The following PRKN variants were observed in gnomAD, a reference collection of about 807,000 sequenced individuals.
PRKN encodes E3 ubiquitin-protein ligase parkin.
A neutral mutation model predicts 59.5 loss-of-function variants in PRKN; 56 were observed. The observed-to-expected ratio is 0.94, with a 90% CI of 0.76 to 1.18. The LOEUF is 1.18. Among genes scored for constraint, PRKN ranks in the 50% most tolerant of loss-of-function variants. The pLI is 0.00. For missense variants in PRKN, 657 were observed against 596.4 expected, an observed-to-expected ratio of 1.10 and a Z score of -1.06; for synonymous variants, 250 against 222.1, an observed-to-expected ratio of 1.13 and a Z score of -1.12.
chr6:161,387,216 G>A (rs118068201), intron 9 of PRKN, among the ~76,000 whole-genome samples: 10,723 of 152,186 alleles, frequency 0.07, 435 homozygotes, highest in Non-Finnish European at 0.081. Flanking sequence ...ATCCCCATGT[G>A]TCATGGGAAA....
intron 3 of PRKN, among the ~76,000 whole-genome samples, chr6:162,239,667 G>A (rs1212622016): frequency 1.3e-5 from 2 of 151,984 alleles, no homozygotes; most frequent in Non-Finnish European, 2.9e-5. Context: ...CAGCGTAAGA[G>A]CAAAAGCCTC....
intron 1 of PRKN, among the ~76,000 whole-genome samples, chr6:162,699,618 A>G (rs1433567235): frequency 6.6e-6 from 1 of 152,220 alleles, no homozygotes; most frequent in African/African-American, 2.4e-5. Flanking sequence ...AGCTAATTTT[A>G]AGAATAAAAG....
At chr6:162,684,464 T>C (rs1407925097) in intron 1 of PRKN, among the ~76,000 whole-genome samples, 2 of 152,168 alleles carry the variant, frequency 1.3e-5, no homozygotes, top group East Asian at 3.9e-4. Context: ...CAGCAATTAA[T>C]ATCAGTGGAA....
chr6:161,902,220 G>A (rs1279138310), intron 6 of PRKN, among the ~76,000 whole-genome samples: 3 of 152,044 alleles, frequency 2.0e-5, no homozygotes, highest in Non-Finnish European at 4.4e-5. Flanking sequence ...GGCCGGCCCC[G>A]TCCTCGCACC....
intron 7 of PRKN, among the ~76,000 whole-genome samples, chr6:161,585,828 A>T (rs1402189013): frequency 6.6e-6 from 1 of 152,278 alleles, no homozygotes; most frequent in African/African-American, 2.4e-5. Context: ...ACAGCAGAAG[A>T]CAACCCAGCC....
Position 161,459,817 on chromosome 6 carries a change from A to G in PRKN, c.1084-72940T>C, listed in dbSNP as rs1415742260. ...CTTCTTCATAATTTAGAGGCTTTCA[A>G]TGACTTACCCCTAATGGGAGATTTC... On this transcript the variant is annotated intron_variant, in intron 9 of 11. Transcript: ENST00000366898. This position sits in a 1 kb window ranked among gnomAD's most constrained non-coding sequence, Gnocchi z 4.8. Among the ~76,000 whole-genome samples the G allele has an allele frequency of 6.6e-6, 1 of 152,176 alleles. No individual in the cohort carries two copies. Among genetic ancestry groups the G allele is most frequent in the African/African-American group, 2.4e-5 (1 of 41,440 alleles).
rs1249284593 is a variant in PRKN, at chr6:161,549,436, AAAT to A, written c.934-436_934-434del. Among the ~76,000 whole-genome samples the A allele has an allele frequency of 3.9e-5, 6 of 152,166 alleles. No individual in the cohort carries two copies. The highest frequency in any genetic ancestry group is 5.9e-5 in the Non-Finnish European group (4 of 68,022). ...CAATATATTGTCATGCCTCTATTTAAAATTCAACAAGGTTTTATATTTATTTTG... is the reference window on the plus strand; with the variant it reads ...CAATATATTGTCATGCCTCTATTTAATCAACAAGGTTTTATATTTATTTTG... On this transcript the variant is annotated intron_variant, in intron 8 of 11. Transcript: ENST00000366898. This position sits in a 1 kb window ranked among gnomAD's most constrained non-coding sequence, Gnocchi z 6.0.
rs768564351 is a variant in PRKN, at chr6:161,529,919, G to A, written c.1083+18935C>T. Among the ~76,000 whole-genome samples the A allele has an allele frequency of 7.9e-5, 12 of 151,964 alleles. No individual in the cohort carries two copies. Among genetic ancestry groups the A allele is most frequent in the Middle Eastern group, 3.2e-3 (1 of 316 alleles). The stretch of plus-strand genomic sequence containing the variant: ...TTGAGGGACCAGTTCCTTTTCCACG[G>A]CATATATAATAAAATAACACAGGAA... On this transcript the variant is annotated intron_variant, in intron 9 of 11. Coordinates refer to ENST00000366898, the MANE Select transcript of PRKN (RefSeq NM_004562.3). The surrounding 1 kb of genome is among the most constrained non-coding windows in gnomAD (Gnocchi z 4.4).
At chr6:161,418,128 T>C (rs1469504490) in intron 9 of PRKN, among the ~76,000 whole-genome samples, 1 of 152,254 alleles carries the variant, frequency 6.6e-6, no homozygotes, top group Non-Finnish European at 1.5e-5. Context: ...TATTACTGTA[T>C]ATTAATAAAA....
intron 7 of PRKN, among the ~76,000 whole-genome samples, chr6:161,697,232 T>C (rs1042739457): frequency 2.6e-5 from 4 of 152,200 alleles, no homozygotes; most frequent in African/African-American, 9.6e-5. Context: ...TTGAAACTCA[T>C]CCTCTGGTAA....
In PRKN at chr6:161,827,500, T is replaced by C. The variant is rs572624458; in HGVS notation, c.735-41592A>G. Among the ~76,000 whole-genome samples, 15 of 142,858 alleles carry C rather than the reference T, an allele frequency of 1.0e-4. No homozygotes were observed. In the East Asian group the frequency reaches 1.3e-3, roughly 12 times the overall value. The allele number at this position is 142,858 out of a possible 152,430, so 93.7% of individuals were successfully genotyped here. Reference sequence around the variant, plus strand: ...GGGCTCTACCTTGTATTCACCTCAATTGATTTTACTTTTTTTTTTTTTTTT... The same window carrying C: ...GGGCTCTACCTTGTATTCACCTCAACTGATTTTACTTTTTTTTTTTTTTTT... On this transcript the variant is annotated intron_variant, in intron 6 of 11. Coordinates refer to ENST00000366898, the MANE Select transcript of PRKN (RefSeq NM_004562.3).
chr6:161,482,409 T>C (rs1399679013), intron 9 of PRKN, among the ~76,000 whole-genome samples: 2 of 152,214 alleles, frequency 1.3e-5, no homozygotes, highest in Admixed American at 1.3e-4. Flanking sequence ...GTTGTCCTTG[T>C]CCCTACTCTT....
intron 7 of PRKN, among the ~76,000 whole-genome samples, chr6:161,711,366 A>T (rs984573308): frequency 1.3e-5 from 2 of 152,212 alleles, no homozygotes; most frequent in South Asian, 4.1e-4. Flanking sequence ...ACATGAATTA[A>T]TACATATAGA....
At chr6:161,714,758 G>A (rs1292237755) in intron 7 of PRKN, among the ~76,000 whole-genome samples, 1 of 152,210 alleles carries the variant, frequency 6.6e-6, no homozygotes, top group African/African-American at 2.4e-5. Context: ...ATTAGTGAAT[G>A]CATTATGAAA....
At chr6:161,389,275 A>T (rs1019359665) in intron 9 of PRKN, among the ~76,000 whole-genome samples, 2 of 152,352 alleles carry the variant, frequency 1.3e-5, no homozygotes, top group African/African-American at 4.8e-5. Context: ...TTAAAAGTTC[A>T]TCTGAAAAGT....
At chr6:161,597,546 C>T (rs1228654097) in intron 7 of PRKN, among the ~76,000 whole-genome samples, 2 of 152,218 alleles carry the variant, frequency 1.3e-5, no homozygotes, top group African/African-American at 4.8e-5. Context: ...TCTCTCCTTT[C>T]TTCAGAGAAG....
At chr6:162,508,872 C>A (rs1793721393) in intron 1 of PRKN, among the ~76,000 whole-genome samples, 1 of 151,782 alleles carries the variant, frequency 6.6e-6, no homozygotes, top group African/African-American at 2.4e-5. Flanking sequence ...AAACAAAAAA[C>A]AAACAAAAAA....
chr6:162,684,945 T>G (rs971650159), intron 1 of PRKN, among the ~76,000 whole-genome samples: 1 of 152,132 alleles, frequency 6.6e-6, no homozygotes, highest in African/African-American at 2.4e-5. Flanking sequence ...AAAGTATAAT[T>G]TAAGCCTAGT....
At chr6:161,656,419 A>T (rs1784354349) in intron 7 of PRKN, among the ~76,000 whole-genome samples, 1 of 152,114 alleles carries the variant, frequency 6.6e-6, no homozygotes, top group Admixed American at 6.5e-5. Flanking sequence ...ACACAGCATT[A>T]GGGGTTCTGC....
Sources: gnomAD v4.1 joint callset for allele counts (sites outside exome capture counted in the v4.1 genomes callset) on GRCh38, gnomAD v4.1.1 for gene constraint, Gnocchi (gnomAD v3.1) non-coding constraint, MANE v1.5 for transcripts, NCBI Gene and HGNC (gene_info 2026-07-23, HGNC 2026-07-21) for gene names.